The following LRRTM3 variants were observed in gnomAD, a reference collection of about 807,000 sequenced individuals.
The protein encoded by LRRTM3 is leucine-rich repeat transmembrane neuronal protein 3.
LRRTM3 carries 24 observed loss-of-function variants against 44.7 expected under a neutral mutation model. That is an observed-to-expected ratio of 0.54 (90% CI 0.39 to 0.76). The LOEUF (loss-of-function observed/expected upper bound fraction) is 0.76. Among genes scored for constraint, LRRTM3 ranks in the 30% least tolerant of loss-of-function variants. The pLI is 0.00. For synonymous variants in LRRTM3, 277 were observed against 278.7 expected, an observed-to-expected ratio of 0.99 and a Z score of 0.06; for missense variants, 587 against 702.2, an observed-to-expected ratio of 0.84 and a Z score of 1.85.
At chr10:66,989,067 GT>G (rs554053847) in intron 2 of LRRTM3, among the ~76,000 whole-genome samples, 1 of 151,842 alleles carries the variant, frequency 6.6e-6, no homozygotes, top group Non-Finnish European at 1.5e-5. Flanking sequence ...AAGAAAAAGT[GT>G]TTTTTTATTT....
rs564101758 is a variant in LRRTM3, at chr10:67,042,299, G to A, written c.1537-55288G>A. Among the ~76,000 whole-genome samples the A allele has an allele frequency of 1.6e-4, 24 of 152,248 alleles. No homozygotes were observed. In the South Asian group the frequency reaches 3.5e-3, roughly 22 times the overall value. On this transcript the variant is annotated intron_variant, in intron 2 of 2. Coordinates refer to ENST00000361320, the MANE Select transcript of LRRTM3 (RefSeq NM_178011.5). ...AGAATCATAGAGGAATGACATTTGA[G>A]AGGCAGGACAGACAGAGCTGACTAT...
intron 2 of LRRTM3, among the ~76,000 whole-genome samples, chr10:66,939,903 C>T (rs1457373110): frequency 6.6e-6 from 1 of 152,174 alleles, no homozygotes; most frequent in Non-Finnish European, 1.5e-5. Flanking sequence ...TCCTCAAGTT[C>T]TCTCTTTGTT....
chr10:67,046,426 G>C (rs547114029), intron 2 of LRRTM3, among the ~76,000 whole-genome samples: 2 of 152,214 alleles, frequency 1.3e-5, no homozygotes, highest in South Asian at 4.2e-4. Context: ...TCAACACATA[G>C]AACTTCTAAT....
intron 2 of LRRTM3, among the ~76,000 whole-genome samples, chr10:66,938,084 T>C (rs7089854): frequency 0.24 from 35,959 of 152,180 alleles, 4,741 homozygotes; most frequent in Middle Eastern, 0.32. Context: ...AAGTTATTAT[T>C]GCAAACAATC....
intron 2 of LRRTM3, among the ~76,000 whole-genome samples, chr10:66,955,110 C>G (rs1380863149): frequency 6.6e-6 from 1 of 152,084 alleles, no homozygotes; most frequent in Non-Finnish European, 1.5e-5. Context: ...CTTCCTCTAA[C>G]CTCTGAAAAG....
intron 2 of LRRTM3, among the ~76,000 whole-genome samples, chr10:67,071,964 A>AT: frequency 6.6e-6 from 1 of 152,074 alleles, no homozygotes; most frequent in Middle Eastern, 3.4e-3. Context: ...TTTATTAATT[A>AT]TTTTTTTGAG....
chr10:66,974,703 A>G (rs1284023249), intron 2 of LRRTM3, among the ~76,000 whole-genome samples: 1 of 151,974 alleles, frequency 6.6e-6, no homozygotes, highest in Non-Finnish European at 1.5e-5. Flanking sequence ...TTGTTTTGTC[A>G]TTTTAATGAG....
intron 2 of LRRTM3, among the ~76,000 whole-genome samples, chr10:66,988,154 G>A (rs985613236): frequency 6.6e-6 from 1 of 152,078 alleles, no homozygotes; most frequent in African/African-American, 2.4e-5. Context: ...TTTGTAACTT[G>A]CTGGCATCAT....
chr10:66,927,378 G>T lies in LRRTM3; in HGVS notation c.462G>T (p.Arg154=). Residue 154 remains arginine, a synonymous_variant, in exon 2 of 3, where the codon CGG becomes CGT. Transcript: ENST00000361320. The surrounding 1 kb of genome is among the most constrained non-coding windows in gnomAD (Gnocchi z 4.7). ...QLHSLGSEQF[R]GLRKLLSLHL... The stretch of plus-strand genomic sequence containing the variant: ...ATTCTCTGGGATCTGAACAGTTTCG[G>T]GGCTTGCGGAAGCTGCTGAGTTTAC... 3 of 1,614,128 alleles carry T rather than the reference G, an allele frequency of 1.9e-6. No homozygotes were observed. The highest frequency in any genetic ancestry group is 2.5e-6 in the Non-Finnish European group (3 of 1,180,028).
chr10:67,018,807 G>A (rs578133836), intron 2 of LRRTM3, among the ~76,000 whole-genome samples: 1 of 152,344 alleles, frequency 6.6e-6, no homozygotes, highest in African/African-American at 2.4e-5. Flanking sequence ...AAGGTGTTAA[G>A]TGTTGTGTAT....
chr10:67,023,972 CAG>C (rs1416419094), intron 2 of LRRTM3, among the ~76,000 whole-genome samples: 14 of 152,162 alleles, frequency 9.2e-5, no homozygotes, highest in African/African-American at 2.7e-4. Context: ...TTCTAATCCT[CAG>C]AGTCTATATT....
chr10:67,012,337 A>G (rs2133042647), intron 2 of LRRTM3: 1 of 152,318 alleles, frequency 6.6e-6, no homozygotes, highest in East Asian at 1.9e-4. Context: ...CAGATCTCCT[A>G]GATGCCCACC....
At chr10:66,968,891 C>A (rs1293640314) in intron 2 of LRRTM3, among the ~76,000 whole-genome samples, 1 of 151,930 alleles carries the variant, frequency 6.6e-6, no homozygotes, top group Non-Finnish European at 1.5e-5. Context: ...GTGGCATGTG[C>A]CTGTAATCCT....
chr10:66,932,027 G>T (rs1466398930), intron 2 of LRRTM3, among the ~76,000 whole-genome samples: 2 of 152,132 alleles, frequency 1.3e-5, no homozygotes, highest in Admixed American at 1.3e-4. Flanking sequence ...TCAAAGGAGG[G>T]GGGCCTCCCC....
chr10:67,026,298 C>T (rs1181008052), intron 2 of LRRTM3, among the ~76,000 whole-genome samples: 1 of 151,980 alleles, frequency 6.6e-6, no homozygotes, highest in Non-Finnish European at 1.5e-5. Context: ...ATACTTATGA[C>T]CATCTGGCAA....
At chr10:66,987,379 A>G (rs1564814579) in intron 2 of LRRTM3, among the ~76,000 whole-genome samples, 1 of 152,170 alleles carries the variant, frequency 6.6e-6, no homozygotes. Context: ...TTATATTTGA[A>G]GGTAGAGGTG....
chr10:67,053,706 A>T (rs1197621121), intron 2 of LRRTM3, among the ~76,000 whole-genome samples: 3 of 152,200 alleles, frequency 2.0e-5, no homozygotes, highest in Non-Finnish European at 4.4e-5. Context: ...AGCAAAAACA[A>T]ATGAAAAAAT....
rs1858221983 is a variant in LRRTM3, at chr10:67,099,653, A to C, written c.*1857A>C. On this transcript the variant is annotated 3_prime_UTR_variant, in exon 3 of 3. Transcript: ENST00000361320. ...TAAAGTCAGAAAGAAAAAAGATGTA[A>C]ATGTTGGAAGAAGCAAATTCTATTA... 1 of 152,206 alleles carries C rather than the reference A, an allele frequency of 6.6e-6. No individual in the cohort carries two copies. Among genetic ancestry groups the C allele is most frequent in the Admixed American group, 6.6e-5 (1 of 15,168 alleles). The allele number at this position is 152,206 out of a possible 1,614,324, so 9.4% of individuals were successfully genotyped here.
chr10:66,981,304 C>G lies in LRRTM3; in HGVS notation c.1536+52852C>G, dbSNP rs921746724. Among the ~76,000 whole-genome samples, 3 of 152,070 alleles carry G rather than the reference C, an allele frequency of 2.0e-5. No homozygotes were observed. The South Asian group carries it at 6.2e-4, about 31-fold the overall frequency. On this transcript the variant is annotated intron_variant, in intron 2 of 2. Coordinates refer to ENST00000361320, the MANE Select transcript of LRRTM3 (RefSeq NM_178011.5). Reference sequence around the variant, plus strand: ...ACATTTATAGCTGTTTTCTTTACACCTTCATCTATATCTCTAAATATTGTT... The same window carrying G: ...ACATTTATAGCTGTTTTCTTTACACGTTCATCTATATCTCTAAATATTGTT...
Sources: allele counts gnomAD v4.1 joint callset (sites outside exome capture counted in the v4.1 genomes callset), GRCh38; gene constraint gnomAD v4.1.1; non-coding constraint Gnocchi (gnomAD v3.1); transcripts MANE v1.5; gene names NCBI Gene and HGNC (gene_info 2026-07-23, HGNC 2026-07-21).